TAAR5: variants seen among roughly 807,000 people sequenced by gnomAD.
TAAR5 encodes trace amine associated receptor 5, also known as trace amine-associated receptor 5.
A neutral mutation model predicts 21.1 loss-of-function variants in TAAR5; 27 were observed. The observed-to-expected ratio is 1.28, with a 90% CI of 0.94 to 1.76. The LOEUF is 1.76. Ranked by LOEUF, TAAR5 falls within the 40% of genes most tolerant of loss-of-function variation. The probability of loss-of-function intolerance (pLI) is 0.00; values close to 1 mark genes in which losing one functional copy is unlikely to be tolerated. For synonymous variants in TAAR5, 203 were observed against 167.5 expected (o/e 1.21, Z -1.64); for missense variants, 495 against 405.6 (o/e 1.22, Z -1.89).
the TAAR5 span, among the ~76,000 whole-genome samples, chr6:132,604,041 G>A: frequency 0.32 from 47,972 of 151,556 alleles, 8,003 homozygotes; most frequent in Non-Finnish European, 0.38. Flanking sequence ...TTTTAAGGAA[G>A]AGCTAGGTTT....
the TAAR5 span, among the ~76,000 whole-genome samples, chr6:132,607,490 A>C: frequency 1.5e-3 from 234 of 152,248 alleles, 2 homozygotes; most frequent in African/African-American, 5.2e-3. Flanking sequence ...ACCCTAAGGA[A>C]GACTTTTGGA....
At chr6:132,591,682 C>T (rs1165061115), upstream of TAAR5, among the ~76,000 whole-genome samples, 1 of 152,046 alleles carries the variant, frequency 6.6e-6, no homozygotes, top group African/African-American at 2.4e-5. Context: ...TTTAATTTGA[C>T]CAAGAACTTG....
chr6:132,597,199 T>C, the TAAR5 span, among the ~76,000 whole-genome samples: 23 of 152,158 alleles, frequency 1.5e-4, no homozygotes, highest in Non-Finnish European at 3.2e-4. Flanking sequence ...AAACAACTTA[T>C]AGAAATTAAC....
chr6:132,601,834 T>A, the TAAR5 span, among the ~76,000 whole-genome samples: 2 of 152,196 alleles, frequency 1.3e-5, no homozygotes, highest in Non-Finnish European at 2.9e-5. Context: ...GTGGGAGCAA[T>A]ATGTACATAC....
chr6:132,600,640 C>T, the TAAR5 span, among the ~76,000 whole-genome samples: 2 of 152,134 alleles, frequency 1.3e-5, no homozygotes, highest in Admixed American at 6.6e-5. Flanking sequence ...AAGACATGAT[C>T]TTTCCTTGAG....
At chr6:132,611,729 T>C in the TAAR5 span, among the ~76,000 whole-genome samples, 1 of 152,144 alleles carries the variant, frequency 6.6e-6, no homozygotes, top group African/African-American at 2.4e-5. Context: ...AAAAGAATGA[T>C]CTGGTCTTCT....
chr6:132,600,912 A>G, the TAAR5 span, among the ~76,000 whole-genome samples: 516 of 43,342 alleles, frequency 0.012, no homozygotes, highest in African/African-American at 0.038. Context: ...AAGGAGGGAA[A>G]GAAGGAAGGA....
chr6:132,601,910 A>T, the TAAR5 span, among the ~76,000 whole-genome samples: 1 of 152,216 alleles, frequency 6.6e-6, no homozygotes, highest in Non-Finnish European at 1.5e-5. Flanking sequence ...TCTGAGGAGG[A>T]TGTCTGAAAG....
At chr6:132,597,286 A>T in the TAAR5 span, among the ~76,000 whole-genome samples, 1 of 151,958 alleles carries the variant, frequency 6.6e-6, no homozygotes, top group Non-Finnish European at 1.5e-5. Context: ...AGACAAGAAG[A>T]TAGAGTAAGA....
the TAAR5 span, among the ~76,000 whole-genome samples, chr6:132,599,452 C>G: frequency 1.3e-5 from 2 of 151,174 alleles, no homozygotes; most frequent in Admixed American, 1.3e-4. Context: ...CCTCAGCCTC[C>G]CGAGTAGCTG....
chr6:132,596,863 T>C, the TAAR5 span, among the ~76,000 whole-genome samples: 1 of 152,168 alleles, frequency 6.6e-6, no homozygotes, highest in Non-Finnish European at 1.5e-5. Flanking sequence ...CAAATCTTAA[T>C]ATCTAATATT....
In TAAR5 at chr6:132,589,613, G is replaced by A. The variant is rs1297577616; in HGVS notation, c.74C>T (p.Pro25Leu). ...GATGCCCAGAGTATGTACTGTCCTG[G>A]GGCAAGACCCATTCACCTGGTAGCA... ...AFCYQVNGSC[P>L]RTVHTLGIQL... The change falls in exon 1 of 1, where the codon CCC becomes CTC. Residue 25 changes from proline to leucine, a missense_variant. Physicochemically the swap from Pro to Leu is moderately conservative, Grantham distance 98. Transcript: ENST00000258034. The A allele has an allele frequency of 1.9e-6, 3 of 1,613,716 alleles. No homozygotes were observed. In the Admixed American group the frequency reaches 5.0e-5, roughly 27 times the overall value.
chr6:132,609,875 C>G, the TAAR5 span, among the ~76,000 whole-genome samples: 1 of 152,268 alleles, frequency 6.6e-6, no homozygotes, highest in East Asian at 1.9e-4. Context: ...AAGCCATGTA[C>G]CTATGGGTTA....
chr6:132,606,921 G>A, the TAAR5 span, among the ~76,000 whole-genome samples: 1 of 152,128 alleles, frequency 6.6e-6, no homozygotes, highest in Non-Finnish European at 1.5e-5. Flanking sequence ...TGGGTGCACT[G>A]GGGGTGGATC....
At chr6:132,601,550 A>G in the TAAR5 span, among the ~76,000 whole-genome samples, 7 of 152,258 alleles carry the variant, frequency 4.6e-5, no homozygotes, top group African/African-American at 1.7e-4. Context: ...CAAAAAATCA[A>G]ACAACCACGG....
chr6:132,589,299 T>A lies in TAAR5; in HGVS notation c.388A>T (p.Ile130Phe). The part of the protein sequence containing the change: ...TSIFHLCFIS[I>F]DRHCAICDPL... The stretch of plus-strand genomic sequence containing the variant: ...TCACAGATGGCACAGTGGCGGTCAA[T>A]GGAAATGAAACAGAGATGGAAGATG... Residue 130 changes from isoleucine (I) to phenylalanine (F), a missense_variant, in exon 1 of 1, where the codon ATT becomes TTT. Physicochemically the swap from Ile to Phe is conservative, Grantham distance 21. Transcript: ENST00000258034. 1.2e-6 allele frequency: 2 copies of A among 1,612,876 alleles called. No homozygotes were observed. The highest frequency in any genetic ancestry group is 2.2e-5 in the South Asian group (2 of 90,864).
chr6:132,592,700 A>G (rs1776923925), upstream of TAAR5, among the ~76,000 whole-genome samples: 1 of 152,186 alleles, frequency 6.6e-6, no homozygotes, highest in African/African-American at 2.4e-5. Flanking sequence ...TCAGCCATGT[A>G]AGATGTGCCT....
chr6:132,614,300 G>T, the TAAR5 span, among the ~76,000 whole-genome samples: 70 of 152,300 alleles, frequency 4.6e-4, no homozygotes, highest in African/African-American at 1.6e-3. Context: ...GTCTCGCATA[G>T]TTCTTGTACT....
At chr6:132,592,419 A>G (rs923436337), upstream of TAAR5, among the ~76,000 whole-genome samples, 9 of 152,234 alleles carry the variant, frequency 5.9e-5, no homozygotes, top group African/African-American at 2.2e-4. Flanking sequence ...CCTGTTGTCT[A>G]TGGACGGTCT....
Sources: allele counts gnomAD v4.1 joint callset (sites outside exome capture counted in the v4.1 genomes callset), GRCh38; gene constraint gnomAD v4.1.1; transcripts MANE v1.5; gene names NCBI Gene and HGNC (gene_info 2026-07-23, HGNC 2026-07-21).